CCDC7: variants seen among roughly 807,000 people sequenced by gnomAD.
CCDC7 encodes the protein coiled-coil domain-containing protein 7.
A neutral mutation model predicts 196.9 loss-of-function variants in CCDC7; 183 were observed. That is an observed-to-expected ratio of 0.93 (90% CI 0.82 to 1.05). The LOEUF is 1.05. CCDC7 is among the 50% of genes least tolerant of loss of function. CCDC7 has a pLI of 0.00. For missense variants in CCDC7, 1,540 were observed against 1,482.2 expected (o/e 1.04, Z -0.64); for synonymous variants, 525 against 484.6 (o/e 1.08, Z -1.10).
intron 20 of CCDC7, among the ~76,000 whole-genome samples, chr10:32,636,125 G>C (rs1259563541): frequency 6.6e-6 from 1 of 152,162 alleles, no homozygotes; most frequent in Non-Finnish European, 1.5e-5. Context: ...AGTGTGATTT[G>C]CTTATATCAT....
intron 13 of CCDC7, among the ~76,000 whole-genome samples, chr10:32,562,863 C>G (rs541687007): frequency 3.3e-5 from 5 of 152,236 alleles, no homozygotes; most frequent in African/African-American, 1.2e-4. Flanking sequence ...CAAATTGTCC[C>G]TGTTTGCAGA....
At chr10:32,583,270 C>T (rs775378970) in exon 17 of CCDC7, 4 of 1,231,174 alleles carry the variant, frequency 3.2e-6, no homozygotes, top group Admixed American at 4.2e-5. Context: ...GTGATATCAC[C>T]ATTCATTTTA....
chr10:32,660,118 T>C (rs1466969846), intron 20 of CCDC7, among the ~76,000 whole-genome samples: 3 of 152,060 alleles, frequency 2.0e-5, no homozygotes, highest in Admixed American at 2.0e-4. Flanking sequence ...GTTTTTCTTT[T>C]TTTTTTCTTT....
intron 18 of CCDC7, 132 bp from the exon 20 acceptor site, chr10:32,634,122 A>G (rs1450821689): frequency 7.7e-6 from 3 of 387,794 alleles, no homozygotes; most frequent in African/African-American, 6.2e-5. Context: ...ATCTATCTCA[A>G]TGGTAATTTA....
chr10:32,767,985 A>G (rs978813221), intron 28 of CCDC7, among the ~76,000 whole-genome samples: 1 of 152,140 alleles, frequency 6.6e-6, no homozygotes, highest in Non-Finnish European at 1.5e-5. Context: ...ACAAAAATGC[A>G]TCAGAGTATC....
At chr10:32,701,607 T>C (rs1289953373) in intron 24 of CCDC7, among the ~76,000 whole-genome samples, 1 of 152,238 alleles carries the variant, frequency 6.6e-6, no homozygotes, top group Admixed American at 6.5e-5. Context: ...AGCTCCTCTT[T>C]GTACCTCTGG....
intron 32 of CCDC7, 42 bp downstream of exon 33, chr10:32,824,646 C>A: frequency 7.4e-7 from 1 of 1,353,890 alleles, no homozygotes; most frequent in East Asian, 2.3e-5. Context: ...GGTTTCCTAT[C>A]TTCTCTGGAG....
rs532244506 is a variant in CCDC7 at position 32,743,441 on chromosome 10, G to T, written c.2905+13984G>T. On this transcript the variant is annotated intron_variant, in intron 28 of 41. Coordinates refer to ENST00000639629, the Ensembl canonical transcript of CCDC7. Reference sequence around the variant, plus strand: ...CCATTTGTCAATTTTGGCTTTTGCTGCCATTGCCTTTGGTGTTTTAGACAT... The same window carrying T: ...CCATTTGTCAATTTTGGCTTTTGCTTCCATTGCCTTTGGTGTTTTAGACAT... 2.0e-5 allele frequency among the ~76,000 whole-genome samples: 3 copies of T among 152,240 alleles called. No homozygotes were observed. The East Asian group carries it at 5.8e-4, about 29-fold the overall frequency.
chr10:32,762,767 A>G (rs1356147282), intron 28 of CCDC7, among the ~76,000 whole-genome samples: 2 of 151,906 alleles, frequency 1.3e-5, no homozygotes, highest in Non-Finnish European at 2.9e-5. Flanking sequence ...TGGGAGAATG[A>G]CCATCTCTTT....
At chr10:32,480,876 G>A in intron 8 of CCDC7, among the ~76,000 whole-genome samples, 1 of 152,168 alleles carries the variant, frequency 6.6e-6, no homozygotes, top group Non-Finnish European at 1.5e-5. Flanking sequence ...GGTGTAAAGT[G>A]TGGTTAAAAT....
In CCDC7 at chr10:32,639,351, G is replaced by C. The variant is rs2066282432; in HGVS notation, c.2014+4193G>C. 3.3e-5 allele frequency among the ~76,000 whole-genome samples: 5 copies of C among 152,078 alleles called. 1 individual carries two copies. In the South Asian group the frequency reaches 1.0e-3, roughly 32 times the overall value. ...AGGGTGTCCATTTTAGATCTTTCCT[G>C]CTTTCTCTTGTGGGCATTTAGTGCT... On this transcript the variant is annotated intron_variant, in intron 20 of 41. Coordinates refer to ENST00000639629, the Ensembl canonical transcript of CCDC7.
chr10:32,715,821 A>G (rs1047415428), intron 25 of CCDC7, among the ~76,000 whole-genome samples: 8 of 152,238 alleles, frequency 5.3e-5, no homozygotes, highest in Admixed American at 4.6e-4. Context: ...GATCAACTTA[A>G]TGAAATAAAG....
At chr10:32,566,640 A>G (rs1235116575) in intron 14 of CCDC7, among the ~76,000 whole-genome samples, 1 of 151,882 alleles carries the variant, frequency 6.6e-6, no homozygotes, top group African/African-American at 2.4e-5. Flanking sequence ...GCTGGGCATC[A>G]TGGTTCATGC....
Position 32,550,153 on chromosome 10 carries a change from G to GTT in CCDC7, c.1134+5865_1134+5866dup, listed in dbSNP as rs536415779. ...ACTCCTTGGCTAGGTATATTCTTAA[G>GTT]TTTTTTTTTTTTTTCAGCTATTGTA... On this transcript the variant is annotated intron_variant, in intron 13 of 41. Transcript: ENST00000639629. 7.5e-3 allele frequency among the ~76,000 whole-genome samples: 1,057 copies of GTT among 140,292 alleles called. 7 individuals are homozygous for GTT. Among genetic ancestry groups the GTT allele is most frequent in the Middle Eastern group, 0.034 (9 of 264 alleles). 92.0% of individuals were successfully genotyped at this position (140,292 alleles called of 152,430 possible).
intron 3 of CCDC7, among the ~76,000 whole-genome samples, chr10:32,461,373 T>A (rs966106031): frequency 4.6e-5 from 7 of 152,256 alleles, no homozygotes; most frequent in Non-Finnish European, 8.8e-5. Context: ...GTTGAATAGC[T>A]CATGAAACTT....
rs1198278087 is a variant in CCDC7 at position 32,859,914 on chromosome 10, G to A, written c.4111+5425G>A. ...AATAACAAGTTCTGAAATTGAGGCA[G>A]CAATTAATAGCCTATTAACCAAAAA... On this transcript the variant is annotated intron_variant, in intron 41 of 41. Transcript: ENST00000639629. Among the ~76,000 whole-genome samples, 5 of 152,100 alleles carry A rather than the reference G, an allele frequency of 3.3e-5. No homozygotes were observed. In the East Asian group the frequency reaches 7.7e-4, roughly 23 times the overall value.
chr10:32,467,125 CAG>C (rs1394227069), intron 5 of CCDC7, among the ~76,000 whole-genome samples: 1 of 148,636 alleles, frequency 6.7e-6, no homozygotes, highest in Non-Finnish European at 1.5e-5. Flanking sequence ...TTTTTTGAGA[CAG>C]AGTCTTGCTC....
intron 20 of CCDC7, among the ~76,000 whole-genome samples, chr10:32,637,753 C>T (rs1300427299): frequency 1.3e-5 from 2 of 152,034 alleles, no homozygotes; most frequent in Non-Finnish European, 2.9e-5. Context: ...GTAGTTTTTT[C>T]CAATTCTGTG....
In CCDC7 at chr10:32,617,011, C is replaced by T. The variant is rs533293224; in HGVS notation, c.1802-17243C>T. 5.3e-5 allele frequency among the ~76,000 whole-genome samples: 8 copies of T among 151,352 alleles called. No individual in the cohort carries two copies. In the East Asian group the frequency reaches 7.7e-4, roughly 15 times the overall value. The stretch of plus-strand genomic sequence containing the variant: ...TTGAGAGTTTTAGTTTTTTCTGGTT[C>T]GATATTGGGTGTTTGTATGTTTCCA... On this transcript the variant is annotated intron_variant, in intron 18 of 41. Coordinates refer to ENST00000639629, the Ensembl canonical transcript of CCDC7.
Sources: gnomAD v4.1 joint callset for allele counts (sites outside exome capture counted in the v4.1 genomes callset) on GRCh38, gnomAD v4.1.1 for gene constraint, MANE v1.5 for transcripts, NCBI Gene and HGNC (gene_info 2026-07-23, HGNC 2026-07-21) for gene names.